MDN1: variants seen among roughly 807,000 people sequenced by gnomAD.
The protein encoded by MDN1 is midasin.
In MDN1, 266 loss-of-function variants were observed where a neutral mutation model predicts 669.2. The ratio of observed to expected loss-of-function variants is 0.40; its 90% confidence interval spans 0.36 to 0.44. The LOEUF (loss-of-function observed/expected upper bound fraction) is 0.44, where lower values mean the gene tolerates loss of function less well. Among genes scored for constraint, MDN1 ranks in the 20% least tolerant of loss-of-function variants. MDN1 has a pLI of 1.00. For synonymous variants in MDN1, 2,385 were observed against 2,457.1 expected (o/e 0.97, Z 0.87); for missense variants, 5,940 against 6,754.0 (o/e 0.88, Z 4.22).
rs777822418 is a variant in MDN1, at chr6:89,756,405, A to T, written c.2703-15T>A. ...GTTCTGTGAACCTGTAAAACAATAC[A>T]TAATAAACACTTTTTAGGAAGTTAA... On this transcript the variant is annotated splice_polypyrimidine_tract_variant and intron_variant, in intron 19 of 101. Coordinates refer to ENST00000369393, the MANE Select transcript of MDN1 (RefSeq NM_014611.3). 1 of 1,238,438 alleles carries T rather than the reference A, an allele frequency of 8.1e-7. No individual in the cohort carries two copies. The highest frequency in any genetic ancestry group is 2.1e-5 in the Admixed American group (1 of 47,634). The allele number at this position is 1,238,438 out of a possible 1,614,324, so 76.7% of individuals were successfully genotyped here. A position where few individuals can be genotyped will look rare whatever the true frequency, so the allele number is the denominator to read the frequency against.
intron 99 of MDN1, 45 bp from the exon 100 acceptor site, chr6:89,646,648 C>T: frequency 6.7e-7 from 1 of 1,501,708 alleles, no homozygotes; most frequent in Middle Eastern, 1.7e-4. Context: ...TATGTGAATG[C>T]TCTTCTCATT....
intron 37 of MDN1, among the ~76,000 whole-genome samples, 199 bp downstream of exon 37, chr6:89,727,634 T>C (rs1001590224): frequency 6.6e-6 from 1 of 152,226 alleles, no homozygotes; most frequent in Non-Finnish European, 1.5e-5. Context: ...GTAGGTTTTA[T>C]GTACAAGGGC....
At chr6:89,740,172 T>G in intron 32 of MDN1, 62 bp downstream of exon 32, 3 of 1,562,766 alleles carry the variant, frequency 1.9e-6, no homozygotes, top group Admixed American at 1.9e-5. Context: ...ATACTATATT[T>G]ACGAGTACCA....
At chr6:89,700,587 A>G in intron 56 of MDN1, 59 bp downstream of exon 56, 1 of 1,544,166 alleles carries the variant, frequency 6.5e-7, no homozygotes, top group Non-Finnish European at 8.9e-7. Context: ...CTTATTAACT[A>G]CCAGCAAGAG....
intron 1 of MDN1, chr6:89,815,107 G>A (rs549782060): frequency 2.4e-6 from 1 of 420,118 alleles, no homozygotes; most frequent in Non-Finnish European, 4.6e-6. Flanking sequence ...GGATTCAGCT[G>A]TATGGAGCTG....
chr6:89,775,152 G>A (rs1229476144), intron 12 of MDN1, among the ~76,000 whole-genome samples: 1 of 152,120 alleles, frequency 6.6e-6, no homozygotes, highest in Non-Finnish European at 1.5e-5. Context: ...AAAGAGCTGT[G>A]GCAGATGCTC....
rs150701881 is a variant in MDN1, at chr6:89,700,744, C to T, written c.8540G>A (p.Arg2847His). 23 of 1,614,014 alleles carry T rather than the reference C, an allele frequency of 1.4e-5. No homozygotes were observed. The highest frequency in any genetic ancestry group is 3.3e-5 in the South Asian group (3 of 91,084). ...GESGWQEDIN[R>H]LQVVASQWTL... ...CCACTGAGAAGCAACCACTTGGAGA[C>T]GGTTAATGTCTTCCTGCCATCCACT... The change falls in exon 56 of 102, where the codon CGT (arginine) becomes CAT (histidine). Residue 2847 changes from arginine to histidine, a missense_variant. Arg to His is a conservative substitution (Grantham distance 29). Around this residue, in one of 5 missense-constraint regions of MDN1, gnomAD observed 2,292 missense variants for 2,638.3 expected, o/e 0.87. Coordinates refer to ENST00000369393, the MANE Select transcript of MDN1 (RefSeq NM_014611.3).
At chr6:89,773,939 T>C (rs1212120663) in intron 13 of MDN1, among the ~76,000 whole-genome samples, 4 of 148,234 alleles carry the variant, frequency 2.7e-5, no homozygotes, top group Non-Finnish European at 5.9e-5. Context: ...TACTCCAGCC[T>C]AGGCAACGGA....
intron 32 of MDN1, among the ~76,000 whole-genome samples, chr6:89,739,503 C>T (rs1042457149): frequency 6.6e-6 from 1 of 152,204 alleles, no homozygotes; most frequent in South Asian, 2.1e-4. Context: ...AAATTACCAA[C>T]ACTCTTAATT....
At chr6:89,682,717 A>AAAAAAAAAAC (rs1811717209) in intron 73 of MDN1, among the ~76,000 whole-genome samples, 2 of 126,416 alleles carry the variant, frequency 1.6e-5, no homozygotes, top group Non-Finnish European at 3.2e-5. Flanking sequence ...AAAAAAAAAA[A>AAAAAAAAAAC]AAAAAAAAAA....
chr6:89,673,979 T>C (rs1161544417), intron 79 of MDN1, 125 bp downstream of exon 79: 2 of 403,394 alleles, frequency 5.0e-6, no homozygotes, highest in East Asian at 1.1e-4. Flanking sequence ...ACGAGTTCCC[T>C]AGGTTCCAGG....
intron 33 of MDN1, 55 bp from the exon 34 acceptor site, chr6:89,732,830 A>T: frequency 2.6e-6 from 4 of 1,544,994 alleles, no homozygotes; most frequent in Non-Finnish European, 3.5e-6. Context: ...CCCAGAACAA[A>T]AGTTCATAAC....
In MDN1 at chr6:89,722,996, C is replaced by T. The variant is rs1814949991; in HGVS notation, c.5926G>A (p.Val1976Ile). Residue 1976 changes from valine to isoleucine, a missense_variant, in exon 40 of 102, where the codon GTC becomes ATC. Around this residue, in one of 5 missense-constraint regions of MDN1, gnomAD observed 2,292 missense variants for 2,638.3 expected, o/e 0.87. Coordinates refer to ENST00000369393, the MANE Select transcript of MDN1 (RefSeq NM_014611.3). ...TCGGTTCTCATTCTTTCACCATAGACCAAAAACACATGCTGACCAGGATCA... is the reference window on the plus strand; with the variant it reads ...TCGGTTCTCATTCTTTCACCATAGATCAAAAACACATGCTGACCAGGATCA... ...CYDPGQHVFL[V>I]YGERMRTEED... 3 of 1,613,774 alleles carry T rather than the reference C, an allele frequency of 1.9e-6. No individual in the cohort carries two copies. Among genetic ancestry groups the T allele is most frequent in the Admixed American group, 3.3e-5 (2 of 59,992 alleles).
intron 31 of MDN1, among the ~76,000 whole-genome samples, chr6:89,742,276 GATGGCAC>G (rs1360505946): frequency 2.0e-5 from 3 of 152,072 alleles, no homozygotes; most frequent in Non-Finnish European, 4.4e-5. Flanking sequence ...AGCTGGGCCT[GATGGCAC>G]ACATGTGTAG....
intron 33 of MDN1, among the ~76,000 whole-genome samples, chr6:89,737,083 G>A (rs1048140862): frequency 2.6e-5 from 4 of 152,178 alleles, no homozygotes; most frequent in East Asian, 3.9e-4. Context: ...ATGCCACTGG[G>A]TGACTGTGAT....
intron 45 of MDN1, among the ~76,000 whole-genome samples, chr6:89,715,149 T>A (rs1814262893): frequency 6.6e-6 from 1 of 152,320 alleles, no homozygotes; most frequent in East Asian, 1.9e-4. Flanking sequence ...ACCTCTGATG[T>A]ATGTCTGAAA....
chr6:89,713,586 C>CA (rs1814107230), intron 46 of MDN1, among the ~76,000 whole-genome samples: 1 of 152,144 alleles, frequency 6.6e-6, no homozygotes, highest in South Asian at 2.1e-4. Flanking sequence ...CTAATGCTGA[C>CA]ACACACTGAA....
intron 95 of MDN1, among the ~76,000 whole-genome samples, chr6:89,651,888 G>A (rs368171602): frequency 6.6e-5 from 10 of 151,832 alleles, no homozygotes; most frequent in Admixed American, 3.3e-4. Context: ...GGATGGCACA[G>A]CATAGACTCT....
At chr6:89,652,527 C>T (rs1703347795) in intron 94 of MDN1, among the ~76,000 whole-genome samples, 1 of 152,198 alleles carries the variant, frequency 6.6e-6, no homozygotes, top group African/African-American at 2.4e-5. Context: ...TGTAGCAAAA[C>T]AAAACCCAAA....
Sources: gnomAD v4.1 joint callset for allele counts (sites outside exome capture counted in the v4.1 genomes callset) on GRCh38, gnomAD v4.1.1 for gene constraint, gnomAD v4.1.1 regional missense constraint, MANE v1.5 for transcripts, NCBI Gene and HGNC (gene_info 2026-07-23, HGNC 2026-07-21) for gene names.